The following DTD1 variants were observed in gnomAD, a reference collection of about 807,000 sequenced individuals.
The protein encoded by DTD1 is D-tyrosyl-tRNA deacylase 1 homolog.
In DTD1, 13 loss-of-function variants were observed where a neutral mutation model predicts 25.6. The ratio of observed to expected loss-of-function variants is 0.51; its 90% CI spans 0.33 to 0.81. The LOEUF (loss-of-function observed/expected upper bound fraction) is 0.81, where lower values mean the gene tolerates loss of function less well. DTD1 is among the 30% of genes least tolerant of loss of function. The probability of loss-of-function intolerance (pLI) is 0.02; values close to 1 mark genes in which losing one functional copy is unlikely to be tolerated. For synonymous variants in DTD1, 110 were observed against 103.6 expected (o/e 1.06, Z -0.37); for missense variants, 193 against 266.4 (o/e 0.72, Z 1.92).
intron 4 of DTD1, among the ~76,000 whole-genome samples, chr20:18,668,179 T>A (rs2060939027): frequency 6.6e-6 from 1 of 152,244 alleles, no homozygotes; most frequent in African/African-American, 2.4e-5. Flanking sequence ...AGATACCAGA[T>A]GTCTGTAGTA....
At chr20:18,716,901 T>C (rs1480076373) in intron 4 of DTD1, among the ~76,000 whole-genome samples, 1 of 152,202 alleles carries the variant, frequency 6.6e-6, no homozygotes, top group African/African-American at 2.4e-5. Context: ...TTTTCTTTTT[T>C]TTTTACAATG....
At chr20:18,690,470 G>A (rs1287819350) in intron 4 of DTD1, among the ~76,000 whole-genome samples, 2 of 152,178 alleles carry the variant, frequency 1.3e-5, no homozygotes, top group East Asian at 3.8e-4. Flanking sequence ...TATTTTTATA[G>A]TTCGAGGTCT....
At chr20:18,688,885 G>C (rs2061029207) in intron 4 of DTD1, among the ~76,000 whole-genome samples, 1 of 152,088 alleles carries the variant, frequency 6.6e-6, no homozygotes, top group African/African-American at 2.4e-5. Flanking sequence ...GGGGTGGCCT[G>C]TGGGGGGTGG....
At chr20:18,700,882 G>A (rs181404636) in intron 4 of DTD1, among the ~76,000 whole-genome samples, 147 of 152,328 alleles carry the variant, frequency 9.7e-4, no homozygotes, top group African/African-American at 3.2e-3. Flanking sequence ...GAGACTGGCT[G>A]TAAAATTACT....
chr20:18,600,738 G>A (rs78734702), intron 3 of DTD1, among the ~76,000 whole-genome samples: 1,729 of 152,238 alleles, frequency 0.011, 28 homozygotes, highest in African/African-American at 0.038. Flanking sequence ...TATGAACATG[G>A]AATATCTCTC....
intron 4 of DTD1, among the ~76,000 whole-genome samples, chr20:18,705,231 T>G (rs1408850624): frequency 6.6e-6 from 1 of 152,118 alleles, no homozygotes; most frequent in African/African-American, 2.4e-5. Context: ...ATTTTGCTTT[T>G]CAGGATATCA....
intron 4 of DTD1, among the ~76,000 whole-genome samples, chr20:18,654,774 T>A (rs1377660712): frequency 1.3e-5 from 2 of 148,988 alleles, no homozygotes; most frequent in African/African-American, 2.5e-5. Context: ...AGAAAAATAA[T>A]CTATTCAACC....
At chr20:18,599,245 G>A (rs532919392) in intron 3 of DTD1, among the ~76,000 whole-genome samples, 1 of 151,908 alleles carries the variant, frequency 6.6e-6, no homozygotes, top group Non-Finnish European at 1.5e-5. Flanking sequence ...TGTGATCTCG[G>A]CTCACTGCAA....
chr20:18,595,793 G>A (rs1309175649), intron 2 of DTD1, among the ~76,000 whole-genome samples: 5 of 152,282 alleles, frequency 3.3e-5, no homozygotes, highest in East Asian at 1.9e-4. Flanking sequence ...CAAAACAACC[G>A]TGTGAGGTAG....
chr20:18,696,632 G>A (rs926310965), intron 4 of DTD1, among the ~76,000 whole-genome samples: 2 of 152,050 alleles, frequency 1.3e-5, no homozygotes, highest in African/African-American at 4.8e-5. Context: ...TCGGCTCATT[G>A]CAACCTCCGC....
intron 5 of DTD1, among the ~76,000 whole-genome samples, chr20:18,758,192 A>C (rs2061347151): frequency 6.6e-6 from 1 of 151,974 alleles, no homozygotes; most frequent in African/African-American, 2.4e-5. Flanking sequence ...CTAGCGGTCT[A>C]TCAATTTTGT....
intron 4 of DTD1, among the ~76,000 whole-genome samples, chr20:18,687,018 A>G (rs1314552645): frequency 1.3e-5 from 2 of 152,214 alleles, no homozygotes; most frequent in Non-Finnish European, 2.9e-5. Context: ...ATTCTGGTCT[A>G]TTGGGGGTTG....
intron 4 of DTD1, among the ~76,000 whole-genome samples, chr20:18,659,088 G>A (rs1170592951): frequency 1.3e-5 from 2 of 152,216 alleles, no homozygotes; most frequent in African/African-American, 2.4e-5. Flanking sequence ...AAAAGCGTAA[G>A]CAGAGATCTC....
intron 4 of DTD1, among the ~76,000 whole-genome samples, chr20:18,741,897 A>ATTTTTTTTTT (rs57912866): frequency 1.1e-5 from 1 of 88,724 alleles, no homozygotes; most frequent in African/African-American, 4.1e-5. Flanking sequence ...TAACCTTTGT[A>ATTTTTTTTTT]TTTTTTTTTT....
chr20:18,756,686 T>C (rs1209475674), intron 5 of DTD1, among the ~76,000 whole-genome samples: 2 of 151,916 alleles, frequency 1.3e-5, no homozygotes, highest in South Asian at 2.1e-4. Flanking sequence ...TGTAGTATAG[T>C]TTGAAGTCAG....
chr20:18,591,103 T>A (rs2060587480), intron 1 of DTD1, among the ~76,000 whole-genome samples: 1 of 152,174 alleles, frequency 6.6e-6, no homozygotes, highest in South Asian at 2.1e-4. Flanking sequence ...GATTCTCAGA[T>A]TTTTTCCCTT....
chr20:18,594,081 C>G (rs556016513), intron 2 of DTD1, among the ~76,000 whole-genome samples: 1 of 152,302 alleles, frequency 6.6e-6, no homozygotes, highest in Admixed American at 6.5e-5. Flanking sequence ...GAGCATGCCT[C>G]TTGTTCTCTT....
At chr20:18,729,402 C>A (rs572997111) in intron 4 of DTD1, among the ~76,000 whole-genome samples, 1 of 152,308 alleles carries the variant, frequency 6.6e-6, no homozygotes, top group South Asian at 2.1e-4. Context: ...ACTGGTAGAT[C>A]CTGAAACTGA....
chr20:18,720,546 C>T lies in DTD1; in HGVS notation c.478-23554C>T, dbSNP rs776932165. Reference sequence around the variant, plus strand: ...TTATCAGCAGATTCTTATTTCTACTCCCAACAGGTAACTTTAAAAGTTTTT... The same window carrying T: ...TTATCAGCAGATTCTTATTTCTACTTCCAACAGGTAACTTTAAAAGTTTTT... On this transcript the variant is annotated intron_variant, in intron 4 of 5. Coordinates refer to ENST00000377452, the MANE Select transcript of DTD1 (RefSeq NM_080820.6). Among the ~76,000 whole-genome samples the T allele has an allele frequency of 7.9e-5, 12 of 152,290 alleles. No individual in the cohort carries two copies. In the South Asian group the frequency reaches 2.5e-3, roughly 32 times the overall value.
Sources: allele counts gnomAD v4.1 joint callset (sites outside exome capture counted in the v4.1 genomes callset), GRCh38; gene constraint gnomAD v4.1.1; transcripts MANE v1.5; gene names NCBI Gene and HGNC (gene_info 2026-07-23, HGNC 2026-07-21).